DYM: variants seen among roughly 807,000 people sequenced by gnomAD.
DYM encodes the protein dyggve-Melchior-Clausen syndrome protein.
In DYM, 78 loss-of-function variants were observed where a neutral mutation model predicts 93.1. The ratio of observed to expected loss-of-function variants is 0.84; its 90% CI spans 0.70 to 1.01. DYM has a LOEUF of 1.01. Ranked by LOEUF, DYM falls within the 50% of genes least tolerant of loss-of-function variation. The pLI is 0.00. For missense variants in DYM, 789 were observed against 845.0 expected, an observed-to-expected ratio of 0.93 and a Z score of 0.82; for synonymous variants, 321 against 319.7, an observed-to-expected ratio of 1.00 and a Z score of -0.04.
At chr18:49,403,751 C>A (rs2071119792) in intron 2 of DYM, among the ~76,000 whole-genome samples, 1 of 151,348 alleles carries the variant, frequency 6.6e-6, no homozygotes, top group Non-Finnish European at 1.5e-5. Context: ...TTCTTCCCCC[C>A]ATAGTAGTAC....
intron 8 of DYM, among the ~76,000 whole-genome samples, chr18:49,293,434 C>T (rs1407981553): frequency 6.6e-6 from 1 of 152,194 alleles, no homozygotes; most frequent in African/African-American, 2.4e-5. Context: ...CTAATTTACA[C>T]TCCCACCAAC....
intron 2 of DYM, among the ~76,000 whole-genome samples, chr18:49,402,919 A>G (rs1372948673): frequency 6.6e-6 from 1 of 152,200 alleles, no homozygotes; most frequent in Admixed American, 6.5e-5. Context: ...AACTACTGGT[A>G]TGACCTAGCC....
chr18:49,093,118 G>C (rs1388790079), intron 17 of DYM: 2 of 152,212 alleles, frequency 1.3e-5, no homozygotes, highest in African/African-American at 4.8e-5. Context: ...CTATAATGGA[G>C]GGACATACGT....
Position 49,118,807 on chromosome 18 carries a change from G to A in DYM, c.1848C>T (p.Arg616=), listed in dbSNP as rs199845002. Residue 616 remains arginine (R), a synonymous_variant, in exon 16 of 18, where the codon CGC becomes CGT. Transcript: ENST00000675505. ...GAGTTCGAAATTGTTCAAAGAGATC[G>A]CGTTTGTAAAGCAGGGCGTATACCA... is the stretch of plus-strand genomic sequence containing the variant. ...PNLVYALLYK[R]DLFEQFRTHP... 9 of 1,613,926 alleles carry A rather than the reference G, an allele frequency of 5.6e-6. No homozygotes were observed. Among genetic ancestry groups the A allele is most frequent in the East Asian group, 2.2e-5 (1 of 44,862 alleles).
chr18:49,404,000 T>G (rs970196495), intron 2 of DYM, among the ~76,000 whole-genome samples: 30 of 125,332 alleles, frequency 2.4e-4, no homozygotes, highest in Admixed American at 1.1e-3. Context: ...TTTTTTCTGT[T>G]TTTTTTTTGT....
chr18:49,143,617 T>C (rs1401656550), intron 15 of DYM, among the ~76,000 whole-genome samples: 1 of 152,184 alleles, frequency 6.6e-6, no homozygotes, highest in Non-Finnish European at 1.5e-5. Flanking sequence ...TAGTTCTTTC[T>C]GATTCCAATA....
rs374691461 is a variant in DYM at position 49,297,978 on chromosome 18, T to G, written c.764-11362A>C. Among the ~76,000 whole-genome samples the G allele has an allele frequency of 3.3e-5, 5 of 152,264 alleles. No homozygotes were observed. In the East Asian group the frequency reaches 5.8e-4, roughly 18 times the overall value. ...TGTAAAACAGTAACATACACAACCT[T>G]GAATGACAGCCAATCATGTTATAAT... On this transcript the variant is annotated intron_variant, in intron 8 of 17. Transcript: ENST00000675505.
intron 14 of DYM, among the ~76,000 whole-genome samples, chr18:49,187,414 T>C (rs1421712705): frequency 2.6e-5 from 4 of 152,190 alleles, no homozygotes; most frequent in Admixed American, 6.5e-5. Flanking sequence ...AAGCTGTCAC[T>C]TTTGGGCCAA....
At chr18:49,459,667 C>T (rs1043957014) in intron 1 of DYM, among the ~76,000 whole-genome samples, 1 of 152,120 alleles carries the variant, frequency 6.6e-6, no homozygotes, top group East Asian at 1.9e-4. Context: ...CCTGGGTACC[C>T]GCTTTGCTGG....
At chr18:49,086,527 C>T (rs989409768) in intron 17 of DYM, among the ~76,000 whole-genome samples, 6 of 152,184 alleles carry the variant, frequency 3.9e-5, no homozygotes, top group Non-Finnish European at 5.9e-5. Context: ...AGGGGACATT[C>T]AAACCACAGC....
intron 11 of DYM, among the ~76,000 whole-genome samples, chr18:49,271,953 T>C (rs1466378669): frequency 3.3e-5 from 5 of 150,018 alleles, no homozygotes; most frequent in Non-Finnish European, 5.9e-5. Context: ...TTTGTATCAA[T>C]TACCAAAGAA....
chr18:49,286,894 T>TA (rs1051473393), intron 8 of DYM, among the ~76,000 whole-genome samples: 9 of 151,886 alleles, frequency 5.9e-5, no homozygotes, highest in African/African-American at 1.7e-4. Context: ...AAAAATTTGC[T>TA]AAAAAAAATT....
At chr18:49,410,638 T>C (rs1184566247) in intron 2 of DYM, among the ~76,000 whole-genome samples, 3 of 149,188 alleles carry the variant, frequency 2.0e-5, no homozygotes, top group African/African-American at 7.3e-5. Flanking sequence ...AGTGAGACCT[T>C]TTCTCTACCA....
In DYM at chr18:49,225,740, T is replaced by C. The variant is rs550997371; in HGVS notation, c.1461-16025A>G. Among the ~76,000 whole-genome samples, 9 of 152,182 alleles carry C rather than the reference T, an allele frequency of 5.9e-5. No homozygotes were observed. The Middle Eastern group carries it at 0.01, about 173-fold the overall frequency. Reference sequence around the variant, plus strand: ...CATATTCTCTGCTGATTTCAAAACCTTCCAATAAGTGCTTTCATCCTAAAT... The same window carrying C: ...CATATTCTCTGCTGATTTCAAAACCCTCCAATAAGTGCTTTCATCCTAAAT... On this transcript the variant is annotated intron_variant, in intron 13 of 17. Transcript: ENST00000675505.
At chr18:49,193,565 A>C (rs1352615531) in intron 14 of DYM, among the ~76,000 whole-genome samples, 1 of 152,232 alleles carries the variant, frequency 6.6e-6, no homozygotes, top group Non-Finnish European at 1.5e-5. Context: ...TTAAAACATA[A>C]GAGAATAGAA....
chr18:49,214,164 C>A (rs892811683), intron 13 of DYM, among the ~76,000 whole-genome samples: 11 of 152,298 alleles, frequency 7.2e-5, no homozygotes, highest in African/African-American at 2.6e-4. Context: ...TCCCATCCCC[C>A]ATTCTGAAGC....
In DYM at chr18:49,365,877, T is replaced by C. The variant is rs148103710; in HGVS notation, c.422-2644A>G. 6.5e-3 allele frequency among the ~76,000 whole-genome samples: 988 copies of C among 152,332 alleles called. 2 individuals are homozygous for C. The highest frequency in any genetic ancestry group is 0.015 in the South Asian group (72 of 4,824). ...GACAAGGATTCTCTATTCAATTCCATGTGCCACTCAAATCACAACCTCGGC... is the reference window on the plus strand; with the variant it reads ...GACAAGGATTCTCTATTCAATTCCACGTGCCACTCAAATCACAACCTCGGC... On this transcript the variant is annotated intron_variant, in intron 5 of 17. Coordinates refer to ENST00000675505, the MANE Select transcript of DYM (RefSeq NM_001353214.3).
At chr18:49,078,386 T>G (rs1373384632) in intron 17 of DYM, among the ~76,000 whole-genome samples, 1 of 148,212 alleles carries the variant, frequency 6.7e-6, no homozygotes, top group African/African-American at 2.5e-5. Flanking sequence ...CCCACAAAAA[T>G]TAAAATATAT....
chr18:49,239,060 C>T (rs2093954887), intron 13 of DYM, among the ~76,000 whole-genome samples: 1 of 152,152 alleles, frequency 6.6e-6, no homozygotes, highest in Admixed American at 6.5e-5. Context: ...ATCAACAACT[C>T]AGTGGCCAGC....
Sources: gnomAD v4.1 joint callset for allele counts (sites outside exome capture counted in the v4.1 genomes callset) on GRCh38, gnomAD v4.1.1 for gene constraint, MANE v1.5 for transcripts, NCBI Gene and HGNC (gene_info 2026-07-23, HGNC 2026-07-21) for gene names.